Variants in TNNI3K observed in about 807,000 individuals in gnomAD.
TNNI3K encodes the protein serine/threonine-protein kinase TNNI3K.
In TNNI3K, 140 loss-of-function variants were observed where a neutral mutation model predicts 114.5. That is an observed-to-expected ratio of 1.22 (90% CI 1.07 to 1.41). The LOEUF is 1.41. Among genes scored for constraint, TNNI3K ranks in the 40% most tolerant of loss-of-function variants. TNNI3K has a pLI of 0.00. For synonymous variants in TNNI3K, 347 were observed against 347.5 expected (o/e 1.00, Z 0.02); for missense variants, 1,125 against 1,007.6 (o/e 1.12, Z -1.58).
chr1:74,332,364 G>C (rs913718515), intron 6 of TNNI3K, among the ~76,000 whole-genome samples: 9 of 150,702 alleles, frequency 6.0e-5, no homozygotes, highest in African/African-American at 1.7e-4. Context: ...GCAGTGGCTC[G>C]ATCTCGGCTC....
chr1:74,336,178 C>A (rs1202745661), intron 7 of TNNI3K, 29 bp downstream of exon 7: 2 of 1,581,814 alleles, frequency 1.3e-6, no homozygotes, highest in East Asian at 4.5e-5. Context: ...AAGACCTTTG[C>A]TATCATTTGC....
At chr1:74,378,597 TATATATATA>T (rs1663029543) in intron 17 of TNNI3K, 1 of 30,110 alleles carries the variant, frequency 3.3e-5, no homozygotes, top group Non-Finnish European at 6.1e-5. Context: ...TTTAATTTTA[TATATATATA>T]TATATATATA....
chr1:74,441,243 C>A (rs1456931312), intron 20 of TNNI3K, among the ~76,000 whole-genome samples: 1 of 152,084 alleles, frequency 6.6e-6, no homozygotes, highest in East Asian at 1.9e-4. Context: ...TGGGATCAAT[C>A]CACTTCTCAC....
chr1:74,529,507 G>A (rs896405074), intron 23 of TNNI3K, among the ~76,000 whole-genome samples: 2 of 152,212 alleles, frequency 1.3e-5, no homozygotes, highest in Non-Finnish European at 2.9e-5. Context: ...AGTGCTGCAT[G>A]TGATTCTGAA....
At chr1:74,417,710 G>A (rs1383534501) in intron 17 of TNNI3K, among the ~76,000 whole-genome samples, 1 of 150,888 alleles carries the variant, frequency 6.6e-6, no homozygotes, top group African/African-American at 2.4e-5. Flanking sequence ...GTGTGTGTGT[G>A]TGTGTGTGTG....
At chr1:74,382,978 T>G (rs1446872987) in intron 17 of TNNI3K, among the ~76,000 whole-genome samples, 2 of 152,138 alleles carry the variant, frequency 1.3e-5, no homozygotes, top group East Asian at 3.9e-4. Context: ...GTCCATGGTC[T>G]CTGAAAGACA....
At chr1:74,242,989 C>T (rs1654340214) in intron 2 of TNNI3K, among the ~76,000 whole-genome samples, 1 of 152,000 alleles carries the variant, frequency 6.6e-6, no homozygotes, top group Non-Finnish European at 1.5e-5. Flanking sequence ...TTCCTTCTTT[C>T]CTATCCCTGT....
chr1:74,314,083 ATATATATG>A (rs1659159102), intron 5 of TNNI3K, among the ~76,000 whole-genome samples: 1 of 103,344 alleles, frequency 9.7e-6, no homozygotes, highest in Non-Finnish European at 2.3e-5. Context: ...ATATATATGT[ATATATATG>A]TATATATATG....
chr1:74,240,109 T>C, intron 2 of TNNI3K: 1 of 311,102 alleles, frequency 3.2e-6, no homozygotes, highest in Non-Finnish European at 6.6e-6. Flanking sequence ...CTACATGGTG[T>C]TGTTTTTATC....
chr1:74,369,756 A>G (rs1020360382), intron 16 of TNNI3K, 171 bp downstream of exon 16: 64 of 684,374 alleles, frequency 9.4e-5, no homozygotes, highest in Non-Finnish European at 1.2e-4. Context: ...CTGTGTTTCA[A>G]TGAATAGAAA....
intron 11 of TNNI3K, among the ~76,000 whole-genome samples, chr1:74,358,554 C>A (rs1661781328): frequency 6.6e-6 from 1 of 151,960 alleles, no homozygotes; most frequent in South Asian, 2.1e-4. Flanking sequence ...GAGATAGATT[C>A]ATTAAATTAT....
intron 17 of TNNI3K, among the ~76,000 whole-genome samples, chr1:74,405,006 T>TA (rs1260566909): frequency 6.6e-6 from 1 of 152,134 alleles, no homozygotes; most frequent in Non-Finnish European, 1.5e-5. Flanking sequence ...GTTTACAGTT[T>TA]AAAAAAAGAA....
chr1:74,273,168 C>G (rs1432469166), intron 5 of TNNI3K, among the ~76,000 whole-genome samples: 1 of 151,940 alleles, frequency 6.6e-6, no homozygotes, highest in African/African-American at 2.4e-5. Flanking sequence ...AGGGCTCTTA[C>G]ATTCAATACA....
At chr1:74,395,590 G>T (rs1412464601) in intron 17 of TNNI3K, among the ~76,000 whole-genome samples, 2 of 152,212 alleles carry the variant, frequency 1.3e-5, no homozygotes, top group Non-Finnish European at 2.9e-5. Context: ...ATTTTCAGAG[G>T]TTGAGTGTGT....
chr1:74,329,382 T>G (rs997593983), intron 5 of TNNI3K, among the ~76,000 whole-genome samples: 12 of 152,220 alleles, frequency 7.9e-5, no homozygotes, highest in African/African-American at 2.9e-4. Context: ...GTACACAATG[T>G]GTATTCTCCT....
intron 17 of TNNI3K, among the ~76,000 whole-genome samples, chr1:74,385,726 GAC>G (rs780185975): frequency 2.6e-5 from 4 of 152,186 alleles, no homozygotes; most frequent in Non-Finnish European, 5.9e-5. Context: ...CATAAACACT[GAC>G]AGGAATGAAG....
chr1:74,421,949 T>C (rs1348650401), intron 17 of TNNI3K, among the ~76,000 whole-genome samples: 1 of 93,520 alleles, frequency 1.1e-5, no homozygotes, highest in African/African-American at 3.3e-5. Flanking sequence ...CCTGGATTGC[T>C]TTTATTATTA....
intron 5 of TNNI3K, among the ~76,000 whole-genome samples, chr1:74,321,218 T>C (rs1182461257): frequency 6.6e-6 from 1 of 152,120 alleles, no homozygotes; most frequent in African/African-American, 2.4e-5. Flanking sequence ...GAAAAATGTA[T>C]ACATCTAATG....
At position 74,520,335 on chromosome 1, in the gene TNNI3K, C is replaced by T. The variant is rs45558932; in HGVS notation, c.2352-19899C>T. ...GTACAGAATTGAAGTGACCTCGCTT[C>T]CGACTTTTCTGAAGAATTTGAGACT... On this transcript the variant is annotated intron_variant, in intron 23 of 24. Coordinates refer to ENST00000326637, the MANE Select transcript of TNNI3K (RefSeq NM_015978.3). 3.9e-3 allele frequency among the ~76,000 whole-genome samples: 594 copies of T among 152,214 alleles called. 7 individuals carry two copies. Among genetic ancestry groups the T allele is most frequent in the African/African-American group, 0.013 (543 of 41,530 alleles).
Sources: gnomAD v4.1 joint callset for allele counts (sites outside exome capture counted in the v4.1 genomes callset) on GRCh38, gnomAD v4.1.1 for gene constraint, MANE v1.5 for transcripts, NCBI Gene and HGNC (gene_info 2026-07-23, HGNC 2026-07-21) for gene names.